Variants in CAPRIN1 observed in about 807,000 individuals in gnomAD.
The protein encoded by CAPRIN1 is caprin-1.
A neutral mutation model predicts 100.9 loss-of-function variants in CAPRIN1; 29 were observed. That is an observed-to-expected ratio of 0.29 (90% CI 0.21 to 0.39). The LOEUF is 0.39. Among genes scored for constraint, CAPRIN1 ranks in the 10% least tolerant of loss-of-function variants. The probability of loss-of-function intolerance (pLI) is 1.00; values close to 1 mark genes in which losing one functional copy is unlikely to be tolerated. For missense variants in CAPRIN1, 795 were observed against 876.7 expected, an observed-to-expected ratio of 0.91 and a Z score of 1.18; for synonymous variants, 338 against 307.5, an observed-to-expected ratio of 1.10 and a Z score of -1.04.
rs1265959706 is a variant in CAPRIN1, at chr11:34,079,550, T to C, written c.689-78T>C. On this transcript the variant is annotated intron_variant, in intron 6 of 18. Transcript: ENST00000341394. ...AACAGTTATTTTTTAATCACAATAT[T>C]TTATAGAATGTTGGATCTTCTTCAA... 1.1e-5 allele frequency: 13 copies of C among 1,190,582 alleles called. No homozygotes were observed. The Admixed American group carries it at 2.7e-4, about 25-fold the overall frequency. 73.8% of individuals were successfully genotyped at this position (1,190,582 alleles called of 1,614,324 possible).
chr11:34,057,597 T>G (rs1404103928), intron 2 of CAPRIN1, among the ~76,000 whole-genome samples: 5 of 152,210 alleles, frequency 3.3e-5, no homozygotes, highest in Non-Finnish European at 7.3e-5. Context: ...TTAGAAAAAC[T>G]AACACTTTTC....
intron 11 of CAPRIN1, among the ~76,000 whole-genome samples, chr11:34,087,373 GC>G (rs1851169405): frequency 1.1e-5 from 1 of 92,976 alleles, no homozygotes; most frequent in African/African-American, 4.8e-5. Context: ...TCGCTCTGTC[GC>G]CCAGGCTGGA....
chr11:34,086,007 A>G lies in CAPRIN1; in HGVS notation c.967-57A>G, dbSNP rs1175836519. ...AGTGTGGGGGACCCATCATGGTGGTAGTGAGTGGAGCTTTTTTGCTCTCCT... is the reference window on the plus strand; with the variant it reads ...AGTGTGGGGGACCCATCATGGTGGTGGTGAGTGGAGCTTTTTTGCTCTCCT... On this transcript the variant is annotated intron_variant, in intron 9 of 18. Transcript: ENST00000341394. 2.2e-5 allele frequency: 32 copies of G among 1,466,014 alleles called. No individual in the cohort carries two copies. The Admixed American group carries it at 4.8e-4, about 22-fold the overall frequency. 90.8% of individuals were successfully genotyped at this position (1,466,014 alleles called of 1,614,324 possible).
intron 2 of CAPRIN1, among the ~76,000 whole-genome samples, chr11:34,055,116 A>G (rs932549726): frequency 2.6e-5 from 4 of 152,148 alleles, no homozygotes; most frequent in African/African-American, 9.7e-5. Context: ...TATGTGAATT[A>G]CTATACTCTG....
At chr11:34,053,948 TATTTATAAC>T (rs1225919841) in intron 2 of CAPRIN1, among the ~76,000 whole-genome samples, 1 of 152,214 alleles carries the variant, frequency 6.6e-6, no homozygotes, top group Non-Finnish European at 1.5e-5. Flanking sequence ...TAGGAAAACA[TATTTATAAC>T]ATCTTGAATT....
intron 18 of CAPRIN1, 145 bp downstream of exon 18, chr11:34,097,906 AACTT>A (rs1284186432): frequency 3.5e-6 from 5 of 1,412,874 alleles, no homozygotes; most frequent in Non-Finnish European, 4.6e-6. Context: ...CTGTTTCTAA[AACTT>A]AATCTTGGAC....
intron 14 of CAPRIN1, among the ~76,000 whole-genome samples, chr11:34,091,108 AAAT>A (rs895182287): frequency 4.6e-5 from 7 of 152,230 alleles, no homozygotes; most frequent in Non-Finnish European, 4.4e-5. Context: ...AATTTCTAGA[AAAT>A]AATAATAATA....
rs894911375 is a variant in CAPRIN1, at chr11:34,051,737, G to A, written c.-135G>A. ...CCGCTCCCGGCTCTCGCCTCACTAG[G>A]AGCGGCTCTCGGTGCAGCGGGACAG... On this transcript the variant is annotated 5_prime_UTR_variant, in exon 1 of 19. Transcript: ENST00000341394. 1.3e-4 allele frequency: 20 copies of A among 152,462 alleles called. No homozygotes were observed. Among genetic ancestry groups the A allele is most frequent in the African/African-American group, 3.6e-4 (15 of 41,592 alleles). 9.4% of individuals were successfully genotyped at this position (152,462 alleles called of 1,614,324 possible).
At chr11:34,089,569 C>A (rs1385190143) in intron 12 of CAPRIN1, 113 bp downstream of exon 12, 2 of 540,550 alleles carry the variant, frequency 3.7e-6, no homozygotes, top group Non-Finnish European at 3.4e-6. Flanking sequence ...GAGTTCAAGA[C>A]CAGTCTGGGC....
intron 1 of CAPRIN1, chr11:34,052,191 AGGGGCGGGTCGG>A (rs1850324111): frequency 6.6e-6 from 1 of 150,784 alleles, no homozygotes; most frequent in Non-Finnish European, 1.4e-5. Context: ...TCCGCGGGGG[AGGGGCGGGTCGG>A]GGGGCGGTGC....
chr11:34,079,905 G>GTTTTTTGTTTTTTGTTTTTTTTTT (rs1850980964), intron 7 of CAPRIN1, 140 bp downstream of exon 7: 1 of 316,642 alleles, frequency 3.2e-6, no homozygotes, highest in African/African-American at 2.9e-5. Flanking sequence ...GCATGACAAA[G>GTTTTTTGTTTTTTGTTTTTTTTTT]TTTTTTTTTT....
In CAPRIN1 at chr11:34,101,449, A is replaced by C. The variant is rs1851452744; in HGVS notation, c.*2082A>C. Among the ~76,000 whole-genome samples the C allele has an allele frequency of 6.6e-6, 1 of 152,160 alleles. No individual in the cohort carries two copies. The highest frequency in any genetic ancestry group is 6.5e-5 in the Admixed American group (1 of 15,272). On this transcript the variant is annotated 3_prime_UTR_variant, in exon 19 of 19. Transcript: ENST00000341394. ...ACTGAAGTAAGTTCTTCACACAGTGACCTCTGAATCAGTTTCAGAGAAGGG... is the reference window on the plus strand; with the variant it reads ...ACTGAAGTAAGTTCTTCACACAGTGCCCTCTGAATCAGTTTCAGAGAAGGG...
intron 15 of CAPRIN1, among the ~76,000 whole-genome samples, chr11:34,094,421 G>A (rs1851325619): frequency 6.6e-6 from 1 of 152,076 alleles, no homozygotes; most frequent in Non-Finnish European, 1.5e-5. Context: ...TTGAATTAGT[G>A]TCTAATCAGG....
intron 2 of CAPRIN1, among the ~76,000 whole-genome samples, chr11:34,066,800 A>G (rs1210928364): frequency 2.3e-5 from 3 of 130,018 alleles, no homozygotes; most frequent in Admixed American, 8.0e-5. Flanking sequence ...TAATTTTTGT[A>G]TTTTTTTTTT....
At chr11:34,074,466 T>C (rs1399250917) in intron 4 of CAPRIN1, among the ~76,000 whole-genome samples, 3 of 152,250 alleles carry the variant, frequency 2.0e-5, no homozygotes, top group African/African-American at 7.2e-5. Flanking sequence ...CCTTTTCACC[T>C]TTTTCCTTCT....
chr11:34,073,447 A>T (rs1850841541), intron 4 of CAPRIN1, among the ~76,000 whole-genome samples: 1 of 152,170 alleles, frequency 6.6e-6, no homozygotes, highest in African/African-American at 2.4e-5. Context: ...CAAGCACTTA[A>T]TCATTTTTGT....
intron 12 of CAPRIN1, 199 bp from the exon 13 acceptor site, chr11:34,089,980 C>G (rs748314590): frequency 5.7e-6 from 2 of 350,370 alleles, no homozygotes; most frequent in Admixed American, 8.7e-5. Context: ...TATTTAACGT[C>G]GAGCTTCAAA....
At chr11:34,075,938 A>G (rs1418900137) in intron 4 of CAPRIN1, among the ~76,000 whole-genome samples, 2 of 152,134 alleles carry the variant, frequency 1.3e-5, no homozygotes, top group East Asian at 1.9e-4. Flanking sequence ...ATCCACATTC[A>G]TTTCCTTGCT....
chr11:34,092,417 C>T (rs1349055960), intron 15 of CAPRIN1, among the ~76,000 whole-genome samples: 8 of 151,370 alleles, frequency 5.3e-5, no homozygotes, highest in Non-Finnish European at 1.2e-4. Context: ...AGCGCAGTGC[C>T]GTGATCTCGG....
Sources: gnomAD v4.1 joint callset for allele counts (sites outside exome capture counted in the v4.1 genomes callset) on GRCh38, gnomAD v4.1.1 for gene constraint, MANE v1.5 for transcripts, NCBI Gene and HGNC (gene_info 2026-07-23, HGNC 2026-07-21) for gene names.